GDPD1: variants seen among roughly 807,000 people sequenced by gnomAD.
The protein encoded by GDPD1 is lysophospholipase D GDPD1.
GDPD1 carries 28 observed loss-of-function variants against 45.1 expected under a neutral mutation model. The ratio of observed to expected loss-of-function variants is 0.62; its 90% CI spans 0.46 to 0.85. GDPD1 has a LOEUF of 0.85. Among genes scored for constraint, GDPD1 ranks in the 40% least tolerant of loss-of-function variants. The pLI is 0.00. For synonymous variants in GDPD1, 139 were observed against 131.4 expected, an observed-to-expected ratio of 1.06 and a Z score of -0.40; for missense variants, 256 against 364.8, an observed-to-expected ratio of 0.70 and a Z score of 2.43.
intron 1 of GDPD1, among the ~76,000 whole-genome samples, chr17:59,227,561 A>G (rs542576113): frequency 6.6e-6 from 1 of 152,256 alleles, no homozygotes; most frequent in Non-Finnish European, 1.5e-5. Context: ...TTACAATATT[A>G]TTTATTATTG....
chr17:59,273,768 G>A lies in GDPD1; in HGVS notation c.940G>A (p.Ala314Thr). 1.9e-6 allele frequency: 3 copies of A among 1,563,452 alleles called. No homozygotes were observed. The highest frequency in any genetic ancestry group is 1.7e-6 in the Non-Finnish European group (2 of 1,157,888). The change falls in exon 10 of 10, where the codon GCA (alanine) becomes ACA (threonine). Residue 314 changes from alanine to threonine, a missense_variant. Physicochemically the swap from Ala to Thr is moderately conservative, Grantham distance 58. Coordinates refer to ENST00000284116, the MANE Select transcript of GDPD1 (RefSeq NM_182569.4). Reference protein sequence around the residue: ...KLRDFLHNFSA With the variant: ...KLRDFLHNFST The stretch of plus-strand genomic sequence containing the variant: ...TAGGGATTTTTTACATAACTTTTCA[G>A]CATAGAAAAAGAGGTACTTAGAAGT...
At chr17:59,260,473 C>T (rs968063598) in intron 6 of GDPD1, among the ~76,000 whole-genome samples, 1 of 151,824 alleles carries the variant, frequency 6.6e-6, no homozygotes, top group Non-Finnish European at 1.5e-5. Flanking sequence ...ACCCAGGAGG[C>T]AGAGGTTGCA....
chr17:59,268,420 C>CA (rs1346641303), intron 7 of GDPD1, among the ~76,000 whole-genome samples: 3 of 149,704 alleles, frequency 2.0e-5, no homozygotes, highest in Non-Finnish European at 4.5e-5. Context: ...ACTAAAAATA[C>CA]AAAAAAAAAT....
At chr17:59,262,666 C>T (rs1405920322) in intron 6 of GDPD1, among the ~76,000 whole-genome samples, 2 of 143,030 alleles carry the variant, frequency 1.4e-5, no homozygotes, top group East Asian at 4.1e-4. Context: ...CTCACTCTGT[C>T]ACCCAGGCTG....
At chr17:59,255,743 CA>C (rs1174794003) in intron 4 of GDPD1, among the ~76,000 whole-genome samples, 135 of 26,614 alleles carry the variant, frequency 5.1e-3, no homozygotes, top group South Asian at 6.2e-3. Context: ...AACTCCGTCT[CA>C]AAAAAAAAAA....
intron 4 of GDPD1, among the ~76,000 whole-genome samples, chr17:59,255,558 A>G (rs1052641743): frequency 2.0e-5 from 3 of 148,856 alleles, no homozygotes; most frequent in African/African-American, 7.5e-5. Context: ...CCTGGCCAAC[A>G]TGGTGAAACC....
Position 59,260,060 on chromosome 17 carries a change from C to CAAAAAAAA in GDPD1, c.576+2253_576+2260dup, listed in dbSNP as rs56936442. 2.5e-3 allele frequency among the ~76,000 whole-genome samples: 64 copies of CAAAAAAAA among 25,852 alleles called. 17 individuals are homozygous for CAAAAAAAA. The highest frequency in any genetic ancestry group is 3.3e-3 in the Non-Finnish European group (48 of 14,514). The allele number at this position is 25,852 out of a possible 152,430, so 17.0% of individuals were successfully genotyped here. A position where few individuals can be genotyped will look rare whatever the true frequency, so the allele number is the denominator to read the frequency against. ...TGGGTGACGGAGCCAGACCCTGTCT[C>CAAAAAAAA]AAAAAAAAAAAAAAAAAAAAAAAAA... On this transcript the variant is annotated intron_variant, in intron 6 of 9. Transcript: ENST00000284116.
At chr17:59,268,123 GC>G (rs1185310607) in intron 7 of GDPD1, among the ~76,000 whole-genome samples, 1 of 152,046 alleles carries the variant, frequency 6.6e-6, no homozygotes, top group Admixed American at 6.6e-5. Flanking sequence ...AAGAGTGATA[GC>G]TTTTATTGTT....
chr17:59,234,053 A>T (rs1159316049), intron 1 of GDPD1, among the ~76,000 whole-genome samples: 6 of 152,108 alleles, frequency 3.9e-5, no homozygotes, highest in Admixed American at 3.9e-4. Context: ...AGCATTTTGG[A>T]TAAGGGATAC....
chr17:59,237,124 C>T (rs890371325), intron 2 of GDPD1, among the ~76,000 whole-genome samples: 1 of 151,980 alleles, frequency 6.6e-6, no homozygotes, highest in Non-Finnish European at 1.5e-5. Context: ...TTTGGCCAGT[C>T]GCAGTAGCTC....
At chr17:59,225,883 G>A (rs2147872744) in intron 1 of GDPD1, among the ~76,000 whole-genome samples, 1 of 151,876 alleles carries the variant, frequency 6.6e-6, no homozygotes, top group African/African-American at 2.4e-5. Flanking sequence ...CACCATGCCC[G>A]GCTAATTTTT....
At position 59,264,989 on chromosome 17, in the gene GDPD1, C is replaced by T. The variant is rs1028635213; in HGVS notation, c.577-2052C>T. Among the ~76,000 whole-genome samples the T allele has an allele frequency of 6.6e-5, 10 of 151,732 alleles. No individual in the cohort carries two copies. In the South Asian group the frequency reaches 8.3e-4, roughly 13 times the overall value. ...CCGAGTAGCTGGGGTTACAGTTGTA[C>T]GCCACCACGCCCGGCTAATTTTTGT... On this transcript the variant is annotated intron_variant, in intron 6 of 9. Transcript: ENST00000284116.
rs542994942 is a variant in GDPD1 at position 59,236,995 on chromosome 17, A to C, written c.185+2461A>C. ...TACATACTTTTTAAAATTGTAGTTCAAAAAATTACAAATATTCTACTGTTA... is the reference window on the plus strand; with the variant it reads ...TACATACTTTTTAAAATTGTAGTTCCAAAAATTACAAATATTCTACTGTTA... On this transcript the variant is annotated intron_variant, in intron 2 of 9. Transcript: ENST00000284116. Among the ~76,000 whole-genome samples, 86 of 152,308 alleles carry C rather than the reference A, an allele frequency of 5.6e-4. 1 individual carries two copies. Among genetic ancestry groups the C allele is most frequent in the Admixed American group, 9.8e-4 (15 of 15,284 alleles).
In GDPD1 at chr17:59,255,856, C is replaced by CGTGTGT. The variant is rs1568346970; in HGVS notation, c.368-1264_368-1263insGTGTGT. Among the ~76,000 whole-genome samples the CGTGTGT allele has an allele frequency of 1.3e-3, 97 of 72,920 alleles. 1 individual carries two copies. The highest frequency in any genetic ancestry group is 9.0e-3 in the African/African-American group (92 of 10,216). The allele number at this position is 72,920 out of a possible 152,430, so 47.8% of individuals were successfully genotyped here. A position where few individuals can be genotyped will look rare whatever the true frequency, so the allele number is the denominator to read the frequency against. On this transcript the variant is annotated intron_variant, in intron 4 of 9. Transcript: ENST00000284116. ...GTATATATATATATATATATACACACGTATATATATATATATATACACACA... is the reference window on the plus strand; with the variant it reads ...GTATATATATATATATATATACACACGTGTGTGTATATATATATATATATACACACA...
chr17:59,242,503 C>T (rs540984366), intron 2 of GDPD1, among the ~76,000 whole-genome samples: 1 of 152,308 alleles, frequency 6.6e-6, no homozygotes, highest in East Asian at 1.9e-4. Flanking sequence ...ACTCATCTCA[C>T]TTATAAGAGG....
intron 1 of GDPD1, among the ~76,000 whole-genome samples, chr17:59,233,246 G>T (rs1381033278): frequency 6.6e-6 from 1 of 151,986 alleles, no homozygotes; most frequent in Non-Finnish European, 1.5e-5. Context: ...GGGCGCGGTG[G>T]CTCACGCCTG....
At chr17:59,246,609 T>C (rs1468902801) in intron 3 of GDPD1, among the ~76,000 whole-genome samples, 3 of 139,340 alleles carry the variant, frequency 2.2e-5, no homozygotes, top group Non-Finnish European at 4.5e-5. Context: ...TTCAGGAGGC[T>C]GAGGCAGGAG....
intron 2 of GDPD1, among the ~76,000 whole-genome samples, chr17:59,240,444 T>A (rs1386547999): frequency 6.6e-6 from 1 of 152,122 alleles, no homozygotes; most frequent in Non-Finnish European, 1.5e-5. Flanking sequence ...TAAAAGTTTA[T>A]AAAGAAGTTA....
intron 6 of GDPD1, 151 bp downstream of exon 6, chr17:59,257,991 A>G (rs375256455): frequency 1.4e-5 from 6 of 439,390 alleles, no homozygotes; most frequent in African/African-American, 4.2e-5. Flanking sequence ...CAGTGGTGCA[A>G]TCATAGCTCA....
Sources: allele counts gnomAD v4.1 joint callset (sites outside exome capture counted in the v4.1 genomes callset), GRCh38; gene constraint gnomAD v4.1.1; transcripts MANE v1.5; gene names NCBI Gene and HGNC (gene_info 2026-07-23, HGNC 2026-07-21).